CACNA2D4: variants seen among roughly 807,000 people sequenced by gnomAD.
CACNA2D4 encodes calcium voltage-gated channel auxiliary subunit alpha2delta 4, also known as voltage-dependent calcium channel subunit alpha-2/delta-4.
Under a neutral mutation model 163.8 loss-of-function variants are expected in CACNA2D4, and 157 were observed. That is an observed-to-expected ratio of 0.96 (90% CI 0.84 to 1.09). The LOEUF (loss-of-function observed/expected upper bound fraction) is 1.09. Among genes scored for constraint, CACNA2D4 ranks in the 50% least tolerant of loss-of-function variants. CACNA2D4 has a pLI of 0.00. For missense variants in CACNA2D4, 1,410 were observed against 1,479.9 expected, an observed-to-expected ratio of 0.95 and a Z score of 0.78; for synonymous variants, 598 against 586.9, an observed-to-expected ratio of 1.02 and a Z score of -0.27.
intron 13 of CACNA2D4, 23 bp from the exon 14 acceptor site, chr12:1,879,904 G>C: frequency 6.4e-7 from 1 of 1,564,896 alleles, no homozygotes; most frequent in Non-Finnish European, 8.7e-7. Context: ...GGAGAACAGG[G>C]GTCAGAAGGT....
At position 1,828,223 on chromosome 12, in the gene CACNA2D4, CACCCCTGGCCTCGGA is replaced by C. The variant is rs1565692456; in HGVS notation, c.2551+12501_2551+12515del. ...AGTGGAGGCAAGTCTCCTGTGAGTACACCCCTGGCCTCGGAGGGGGGTGCGGGTTGGGTGGGGGTG... is the reference window on the plus strand; with the variant it reads ...AGTGGAGGCAAGTCTCCTGTGAGTACGGGGGGTGCGGGTTGGGTGGGGGTG... On this transcript the variant is annotated intron_variant, in intron 26 of 37. Coordinates refer to ENST00000382722, the MANE Select transcript of CACNA2D4 (RefSeq NM_172364.5). The surrounding 1 kb of genome is among the most constrained non-coding windows in gnomAD (Gnocchi z 4.2). 1 of 1,538,974 alleles carries C rather than the reference CACCCCTGGCCTCGGA, an allele frequency of 6.5e-7. No individual in the cohort carries two copies. Among genetic ancestry groups the C allele is most frequent in the Admixed American group, 2.0e-5 (1 of 50,040 alleles).
chr12:1,850,058 T>C (rs1446119396), intron 23 of CACNA2D4, among the ~76,000 whole-genome samples: 2 of 152,222 alleles, frequency 1.3e-5, no homozygotes, highest in African/African-American at 4.8e-5. Flanking sequence ...TTTTTCATAT[T>C]TTTGCCAGTG....
Position 1,800,034 on chromosome 12 carries a change from A to C in CACNA2D4, c.2940T>G (p.Ser980Arg). ...QELVLFLLEW[S>R]VWGSWYDRGA... ...CTCTGTCGTACCAGGAGCCCCAGACACTCCACTCCAGCAGGAACCTGTCAG... is the reference window on the plus strand; with the variant it reads ...CTCTGTCGTACCAGGAGCCCCAGACCCTCCACTCCAGCAGGAACCTGTCAG... The change falls in exon 33 of 38, where the codon AGT becomes AGG. Residue 980 changes from serine to arginine, a missense_variant. Physicochemically the swap from Ser to Arg is moderately radical, Grantham distance 110. Coordinates refer to ENST00000382722, the MANE Select transcript of CACNA2D4 (RefSeq NM_172364.5). 1 of 1,602,520 alleles carries C rather than the reference A, an allele frequency of 6.2e-7. No individual in the cohort carries two copies. Among genetic ancestry groups the C allele is most frequent in the Non-Finnish European group, 8.5e-7 (1 of 1,174,984 alleles).
At chr12:1,915,128 C>G (rs1165488667) in intron 1 of CACNA2D4, 193 bp from the exon 2 acceptor site, 5 of 704,296 alleles carry the variant, frequency 7.1e-6, no homozygotes, top group African/African-American at 7.0e-5. Context: ...CACATACATA[C>G]CCCCCACACA....
chr12:1,852,848 G>A (rs181410054), intron 23 of CACNA2D4, among the ~76,000 whole-genome samples: 62 of 152,214 alleles, frequency 4.1e-4, no homozygotes, highest in Non-Finnish European at 8.1e-4. Flanking sequence ...TGCCACTTTC[G>A]AGGCGTATGA....
rs886049112 is a variant in CACNA2D4, at chr12:1,792,040, C to T, written c.*1615G>A. 6.6e-6 allele frequency: 1 copy of T among 152,208 alleles called. No individual in the cohort carries two copies. Among genetic ancestry groups the T allele is most frequent in the Non-Finnish European group, 1.5e-5 (1 of 68,042 alleles). The allele number at this position is 152,208 out of a possible 1,614,324, so 9.4% of individuals were successfully genotyped here. ...GCATGTTACGTGAATACATCACATTCAATCTTCATACACTCTTCCGGTAAT... is the reference window on the plus strand; with the variant it reads ...GCATGTTACGTGAATACATCACATTTAATCTTCATACACTCTTCCGGTAAT... On this transcript the variant is annotated 3_prime_UTR_variant, in exon 38 of 38. Coordinates refer to ENST00000382722, the MANE Select transcript of CACNA2D4 (RefSeq NM_172364.5).
chr12:1,841,964 G>A (rs1865033656), intron 25 of CACNA2D4, among the ~76,000 whole-genome samples: 1 of 152,206 alleles, frequency 6.6e-6, no homozygotes, highest in African/African-American at 2.4e-5. Flanking sequence ...CCCACCTTGT[G>A]TCTACAGACA....
At chr12:1,845,279 G>T (rs79364293) in intron 24 of CACNA2D4, among the ~76,000 whole-genome samples, 1 of 151,694 alleles carries the variant, frequency 6.6e-6, no homozygotes, top group East Asian at 2.0e-4. Context: ...GGGAAGGTCT[G>T]TCTGCCTCGA....
At position 1,840,813 on chromosome 12, in the gene CACNA2D4, G is replaced by A. The variant is rs552472772; in HGVS notation, c.2477C>T (p.Ala826Val). ...NLRWAEGPES[A>V]GEPMVVTAST... ...TGCCGTCACCACCATGGGTTCACCC[G>A]CACTTTCTGGGGAAACAGAGACAAC... Residue 826 changes from alanine (A) to valine (V), a missense_variant, in exon 26 of 38, where the codon GCG (alanine) becomes GTG (valine). By Grantham distance (64) the Ala-to-Val change is moderately conservative. Coordinates refer to ENST00000382722, the MANE Select transcript of CACNA2D4 (RefSeq NM_172364.5). The A allele has an allele frequency of 3.5e-5, 57 of 1,608,598 alleles. No homozygotes were observed. The highest frequency in any genetic ancestry group is 4.5e-5 in the East Asian group (2 of 44,608).
intron 35 of CACNA2D4, among the ~76,000 whole-genome samples, chr12:1,796,356 C>A (rs982707444): frequency 2.6e-5 from 4 of 152,240 alleles, no homozygotes; most frequent in African/African-American, 9.6e-5. Flanking sequence ...GTGCACACCA[C>A]AGCCGTGTAT....
chr12:1,909,982 C>T lies in CACNA2D4; in HGVS notation c.427-17G>A, dbSNP rs1260380852. The T allele has an allele frequency of 1.2e-6, 2 of 1,612,086 alleles. No individual in the cohort carries two copies. The highest frequency in any genetic ancestry group is 1.6e-4 in the Middle Eastern group (1 of 6,078). On this transcript the variant is annotated splice_polypyrimidine_tract_variant and intron_variant, in intron 3 of 37. Coordinates refer to ENST00000382722, the MANE Select transcript of CACNA2D4 (RefSeq NM_172364.5). ...CACCAGATTCTGAGGGATGGGAACA[C>T]AGAGGTAGGGAGAATGGGTAAAAGG...
chr12:1,916,992 T>C (rs11062021), intron 1 of CACNA2D4, among the ~76,000 whole-genome samples: 88,921 of 152,034 alleles, frequency 0.58, 26,306 homozygotes, highest in Admixed American at 0.65. Flanking sequence ...AGCCCACTCC[T>C]GGAGTTGGCC....
Position 1,828,557 on chromosome 12 carries a change from C to T in CACNA2D4, c.2551+12182G>A, listed in dbSNP as rs1864466558. On this transcript the variant is annotated intron_variant, in intron 26 of 37. Transcript: ENST00000382722. The surrounding 1 kb of genome is among the most constrained non-coding windows in gnomAD (Gnocchi z 4.2). ...TGCAGGCCTGCTGAGTCTTAAACAG[C>T]CTCACTGGTGCCTGAGCTTGTCGGC... is the stretch of plus-strand genomic sequence containing the variant. Among the ~76,000 whole-genome samples, 1 of 152,370 alleles carries T rather than the reference C, an allele frequency of 6.6e-6. No homozygotes were observed. The highest frequency in any genetic ancestry group is 2.1e-4 in the South Asian group (1 of 4,834).
rs77095670 is a variant in CACNA2D4 at position 1,797,376 on chromosome 12, G to A, written c.3113+42C>T. The A allele has an allele frequency of 3.1e-5, 43 of 1,391,424 alleles. 1 individual carries two copies. Among genetic ancestry groups the A allele is most frequent in the African/African-American group, 1.4e-5 (1 of 70,234 alleles). 86.2% of individuals were successfully genotyped at this position (1,391,424 alleles called of 1,614,324 possible). ...CGCACTTCCGCCTTGCCGAGGGCGGGAGGAGTGTGGCGGGACGGGCGGCGC... is the reference window on the plus strand; with the variant it reads ...CGCACTTCCGCCTTGCCGAGGGCGGAAGGAGTGTGGCGGGACGGGCGGCGC... On this transcript the variant is annotated intron_variant, in intron 35 of 37. Transcript: ENST00000382722.
At chr12:1,840,654 T>G in intron 26 of CACNA2D4, 85 bp downstream of exon 26, 6 of 1,125,360 alleles carry the variant, frequency 5.3e-6, no homozygotes, top group Non-Finnish European at 8.0e-6. Context: ...TGGCCACATG[T>G]GCAGGGCCTT....
At chr12:1,859,904 A>G (rs895394861) in intron 19 of CACNA2D4, among the ~76,000 whole-genome samples, 1 of 152,232 alleles carries the variant, frequency 6.6e-6, no homozygotes, top group African/African-American at 2.4e-5. Flanking sequence ...GGAGCATAGC[A>G]CAGGACATAC....
intron 13 of CACNA2D4, among the ~76,000 whole-genome samples, chr12:1,880,447 TCA>T (rs1220971260): frequency 1.3e-5 from 2 of 152,224 alleles, no homozygotes; most frequent in East Asian, 3.9e-4. Flanking sequence ...TGGACTCCAC[TCA>T]CAGCACCAGA....
rs1179769270 is a variant in CACNA2D4 at position 1,844,438 on chromosome 12, T to C, written c.2434A>G (p.Ser812Gly). ...GCCCAGCGGAGGTTGAAGACGAAGC[T>C]GCCAGCAGGATGCTCTGAGGCCTGG... ...YRQASEHPAG[S>G]FVFNLRWAEG... The change falls in exon 25 of 38, where the codon AGC becomes GGC. Residue 812 changes from serine to glycine, a missense_variant. Transcript: ENST00000382722. This position sits in a 1 kb window ranked among gnomAD's most constrained non-coding sequence, Gnocchi z 4.2. The C allele has an allele frequency of 1.4e-5, 22 of 1,613,572 alleles. No individual in the cohort carries two copies. Among genetic ancestry groups the C allele is most frequent in the Non-Finnish European group, 1.9e-5 (22 of 1,179,816 alleles).
intron 26 of CACNA2D4, among the ~76,000 whole-genome samples, chr12:1,824,202 C>A (rs532003191): frequency 6.6e-6 from 1 of 152,158 alleles, no homozygotes; most frequent in Non-Finnish European, 1.5e-5. Flanking sequence ...TGGCCGTTTG[C>A]CCTGCTGAGA....
Sources: allele counts gnomAD v4.1 joint callset (sites outside exome capture counted in the v4.1 genomes callset), GRCh38; gene constraint gnomAD v4.1.1; non-coding constraint Gnocchi (gnomAD v3.1); transcripts MANE v1.5; gene names NCBI Gene and HGNC (gene_info 2026-07-23, HGNC 2026-07-21).